TCF7L2: variants seen among roughly 807,000 people sequenced by gnomAD.
The protein encoded by TCF7L2 is transcription factor 7-like 2.
In TCF7L2, 23 loss-of-function variants were observed where a neutral mutation model predicts 77.9. The ratio of observed to expected loss-of-function variants is 0.30; its 90% CI spans 0.21 to 0.42. The LOEUF (loss-of-function observed/expected upper bound fraction) is 0.42. TCF7L2 is among the 10% of genes least tolerant of loss of function. The probability of loss-of-function intolerance (pLI) is 1.00; values close to 1 mark genes in which losing one functional copy is unlikely to be tolerated. For missense variants in TCF7L2, 654 were observed against 793.1 expected (o/e 0.82, Z 2.11); for synonymous variants, 413 against 340.2 (o/e 1.21, Z -2.36).
chr10:113,165,333 A>G (rs2073945832), intron 13 of TCF7L2, among the ~76,000 whole-genome samples: 1 of 151,802 alleles, frequency 6.6e-6, no homozygotes, highest in Non-Finnish European at 1.5e-5. Context: ...GAGAGTTCAG[A>G]CTCTTAAATA....
intron 5 of TCF7L2, among the ~76,000 whole-genome samples, chr10:113,046,448 G>A (rs1166548196): frequency 6.6e-6 from 1 of 152,068 alleles, no homozygotes; most frequent in Admixed American, 6.5e-5. Context: ...GAACTCTTAA[G>A]AGAGTTCTAC....
Position 113,039,887 on chromosome 10 carries a change from T to A in TCF7L2, c.451-138T>A, listed in dbSNP as rs377480167. 1.1e-4 allele frequency: 79 copies of A among 719,276 alleles called. No individual in the cohort carries two copies. The African/African-American group carries it at 1.4e-3, about 12-fold the overall frequency. 44.6% of individuals were successfully genotyped at this position (719,276 alleles called of 1,614,324 possible). ...ACCCTATTGGAATTGCATGCTTTTT[T>A]ATTTTTTTAATGATTATTTGCATGC... On this transcript the variant is annotated intron_variant, in intron 4 of 13. Transcript: ENST00000627217.
chr10:112,978,317 A>G (rs1399567064), intron 4 of TCF7L2, among the ~76,000 whole-genome samples: 1 of 152,158 alleles, frequency 6.6e-6, no homozygotes, highest in Non-Finnish European at 1.5e-5. Context: ...ATGTATACTG[A>G]TTAGGTGAAT....
At chr10:113,084,754 C>T (rs563073023) in intron 5 of TCF7L2, among the ~76,000 whole-genome samples, 3 of 151,886 alleles carry the variant, frequency 2.0e-5, no homozygotes, top group African/African-American at 4.8e-5. Flanking sequence ...AAACATTAGC[C>T]GGGAGTGGTG....
chr10:113,144,088 C>CTGTGTGTGTGTGTGTGTG lies in TCF7L2; in HGVS notation c.788+74_788+75insGTGTGTGTGTGTGTGTGT, dbSNP rs746047660. On this transcript the variant is annotated intron_variant, in intron 7 of 13. Coordinates refer to ENST00000627217, the MANE Select transcript of TCF7L2 (RefSeq NM_001146274.2). ...TACATGGGCATGTTTATTATTTATT[C>CTGTGTGTGTGTGTGTGTG]TGTGTGTGTGTCTGTGTGTGTGTGT... is the stretch of plus-strand genomic sequence containing the variant. The CTGTGTGTGTGTGTGTGTG allele has an allele frequency of 1.8e-5, 23 of 1,262,014 alleles. 1 individual carries two copies. In the African/African-American group the frequency reaches 3.6e-4, roughly 20 times the overall value. 78.2% of individuals were successfully genotyped at this position (1,262,014 alleles called of 1,614,324 possible). A position where few individuals can be genotyped will look rare whatever the true frequency, so the allele number is the denominator to read the frequency against.
chr10:113,034,487 G>A (rs1387718022), intron 4 of TCF7L2, among the ~76,000 whole-genome samples: 1 of 152,198 alleles, frequency 6.6e-6, no homozygotes, highest in East Asian at 1.9e-4. Context: ...TCAGCTTTGG[G>A]CGCATAAGCA....
chr10:112,965,691 G>A (rs2036614418), intron 4 of TCF7L2, among the ~76,000 whole-genome samples: 2 of 147,222 alleles, frequency 1.4e-5, no homozygotes, highest in African/African-American at 2.5e-5. Context: ...TTAGGTAGCT[G>A]CAGCCACAAT....
chr10:113,047,683 A>G (rs958095999), intron 5 of TCF7L2, among the ~76,000 whole-genome samples: 4 of 152,116 alleles, frequency 2.6e-5, no homozygotes, highest in African/African-American at 4.8e-5. Flanking sequence ...TTATTGGGCA[A>G]AGATACTATT....
chr10:113,078,634 A>T (rs907818559), intron 5 of TCF7L2, among the ~76,000 whole-genome samples: 2 of 151,970 alleles, frequency 1.3e-5, no homozygotes, highest in Admixed American at 6.6e-5. Flanking sequence ...CAGCCTCTCA[A>T]AGTGCTGGGA....
chr10:113,129,222 C>T (rs1256451185), intron 5 of TCF7L2: 29 of 749,300 alleles, frequency 3.9e-5, no homozygotes, highest in East Asian at 1.3e-4. Flanking sequence ...CCTCTCCCAT[C>T]GCAGCCCTCT....
chr10:113,081,727 G>T (rs1339901917), intron 5 of TCF7L2, among the ~76,000 whole-genome samples: 1 of 152,198 alleles, frequency 6.6e-6, no homozygotes, highest in East Asian at 1.9e-4. Context: ...AAACAAATGG[G>T]AGTGATAGCT....
intron 4 of TCF7L2, among the ~76,000 whole-genome samples, chr10:113,015,671 G>A (rs1003407775): frequency 6.6e-6 from 1 of 152,020 alleles, no homozygotes; most frequent in African/African-American, 2.4e-5. Flanking sequence ...TGTAGAGATG[G>A]GGGTCTCACT....
intron 5 of TCF7L2, among the ~76,000 whole-genome samples, chr10:113,074,167 AC>A (rs1190768128): frequency 5.9e-5 from 9 of 152,292 alleles, no homozygotes; most frequent in East Asian, 1.9e-4. Context: ...TCTTTTAGAT[AC>A]TTGGACTTAC....
intron 3 of TCF7L2, among the ~76,000 whole-genome samples, chr10:112,961,948 A>C (rs2035377254): frequency 6.6e-6 from 1 of 152,020 alleles, no homozygotes; most frequent in Non-Finnish European, 1.5e-5. Context: ...ACTTTGTCCT[A>C]TATGTTGGTT....
Position 113,077,213 on chromosome 10 carries a change from C to T in TCF7L2, c.552+37087C>T, listed in dbSNP as rs904169562. Reference sequence around the variant, plus strand: ...GTAAAATGGGAATAATAATTCTTATCCTGCCTGTTTCCCAGAGTTGTATAT... The same window carrying T: ...GTAAAATGGGAATAATAATTCTTATTCTGCCTGTTTCCCAGAGTTGTATAT... On this transcript the variant is annotated intron_variant, in intron 5 of 13. Coordinates refer to ENST00000627217, the MANE Select transcript of TCF7L2 (RefSeq NM_001146274.2). Among the ~76,000 whole-genome samples the T allele has an allele frequency of 3.9e-5, 6 of 152,258 alleles. No homozygotes were observed. In the East Asian group the frequency reaches 7.7e-4, roughly 20 times the overall value.
chr10:113,044,741 G>A (rs2053120924), intron 5 of TCF7L2, among the ~76,000 whole-genome samples: 1 of 152,216 alleles, frequency 6.6e-6, no homozygotes, highest in African/African-American at 2.4e-5. Context: ...AAGGGATGGG[G>A]AGTGGGCAGA....
chr10:113,165,405 G>A (rs2073959359), intron 13 of TCF7L2, 150 bp from the exon 15 acceptor site: 3 of 822,638 alleles, frequency 3.6e-6, no homozygotes, highest in East Asian at 2.5e-5. Flanking sequence ...ACCCTGGGGG[G>A]GCGCCACTGT....
intron 4 of TCF7L2, among the ~76,000 whole-genome samples, chr10:113,006,614 C>A (rs1051441587): frequency 6.6e-6 from 1 of 152,234 alleles, no homozygotes; most frequent in Non-Finnish European, 1.5e-5. Flanking sequence ...CTTTCAGACT[C>A]CGTCTCCCAG....
intron 5 of TCF7L2, among the ~76,000 whole-genome samples, chr10:113,069,324 G>C (rs1440637151): frequency 1.3e-5 from 2 of 152,004 alleles, no homozygotes; most frequent in African/African-American, 4.8e-5. Context: ...AACCTCCTGG[G>C]TTCAAGCAAT....
Sources: allele counts gnomAD v4.1 joint callset (sites outside exome capture counted in the v4.1 genomes callset), GRCh38; gene constraint gnomAD v4.1.1; transcripts MANE v1.5; gene names NCBI Gene and HGNC (gene_info 2026-07-23, HGNC 2026-07-21).